SPTBN5: variants seen among roughly 807,000 people sequenced by gnomAD.
SPTBN5 encodes the protein spectrin beta, non-erythrocytic 5, also known as spectrin beta chain, non-erythrocytic 5.
Under a neutral mutation model 477.6 loss-of-function variants are expected in SPTBN5, and 513 were observed. The observed-to-expected ratio is 1.07, with a 90% CI of 1.00 to 1.16. The LOEUF is 1.16. Among genes scored for constraint, SPTBN5 ranks in the 50% most tolerant of loss-of-function variants. The pLI, the probability that SPTBN5 is intolerant of heterozygous loss-of-function variation, is 0.00. For missense variants in SPTBN5, 5,062 were observed against 4,731.8 expected, an observed-to-expected ratio of 1.07 and a Z score of -2.05; for synonymous variants, 2,169 against 2,011.7, an observed-to-expected ratio of 1.08 and a Z score of -2.09.
chr15:41,892,059 A>T (rs138420835), intron 3 of SPTBN5, among the ~76,000 whole-genome samples: 2 of 152,254 alleles, frequency 1.3e-5, no homozygotes, highest in African/African-American at 4.8e-5. Context: ...CTGCTCTTGC[A>T]CCTGCTCAGG....
Position 41,853,579 on chromosome 15 carries a change from T to C in SPTBN5, c.9980+3A>G. 1.9e-6 allele frequency: 3 copies of C among 1,568,546 alleles called. No individual in the cohort carries two copies. Among genetic ancestry groups the C allele is most frequent in the Non-Finnish European group, 2.6e-6 (3 of 1,153,672 alleles). The stretch of plus-strand genomic sequence containing the variant: ...GAGCCGGCAGCTGAGGTAGGACACC[T>C]ACAGCAGTTCCTGGCAGCGCCCGAG... On this transcript the variant is annotated splice_donor_region_variant and intron_variant, in intron 58 of 67. Coordinates refer to ENST00000320955, the MANE Select transcript of SPTBN5 (RefSeq NM_016642.4).
rs1222085347 is a variant in SPTBN5 at position 41,887,868 on chromosome 15, C to A, written c.659+60G>T. 3 of 1,543,492 alleles carry A rather than the reference C, an allele frequency of 1.9e-6. No individual in the cohort carries two copies. In the African/African-American group the frequency reaches 4.1e-5, roughly 21 times the overall value. ...GTGGGAGAACGGGTGGGCTGAGGACCCAAACCCAGGAGCTGTTGGCTCAGT... is the reference window on the plus strand; with the variant it reads ...GTGGGAGAACGGGTGGGCTGAGGACACAAACCCAGGAGCTGTTGGCTCAGT... On this transcript the variant is annotated intron_variant, in intron 5 of 67. Coordinates refer to ENST00000320955, the MANE Select transcript of SPTBN5 (RefSeq NM_016642.4).
chr15:41,873,863 C>T lies in SPTBN5; in HGVS notation c.4872G>A (p.Gln1624=). 6.2e-7 allele frequency: 1 copy of T among 1,611,050 alleles called. No individual in the cohort carries two copies. The part of the protein sequence containing the change: ...ACEARAQCLQ[Q]AVTFQQYFLD... ...ATCCTACCTGCTGGAAAGTGACAGC[C>T]TGCTGCAGACACTGGGCCCGCGCTT... is the stretch of plus-strand genomic sequence containing the variant. The change falls in exon 25 of 68, where the codon CAG becomes CAA. Residue 1624 remains glutamine, a synonymous_variant. Coordinates refer to ENST00000320955, the MANE Select transcript of SPTBN5 (RefSeq NM_016642.4).
intron 22 of SPTBN5, 60 bp from the exon 23 acceptor site, chr15:41,875,116 C>T: frequency 6.7e-7 from 1 of 1,487,006 alleles, no homozygotes; most frequent in Non-Finnish European, 9.1e-7. Flanking sequence ...AAGTGGCCTT[C>T]CCGGGCTCTG....
chr15:41,856,771 G>C, intron 52 of SPTBN5, 82 bp downstream of exon 52: 1 of 1,422,846 alleles, frequency 7.0e-7, no homozygotes, highest in Non-Finnish European at 9.4e-7. Flanking sequence ...AGAGTTCCTG[G>C]CTGGGCCACA....
Position 41,878,630 on chromosome 15 carries a change from C to A in SPTBN5, c.3183-1G>T. Reference sequence around the variant, plus strand: ...CTCTGCGTAGCCTGGCTCCTCGACCCTGGGAGACAGGGTGCGCTGCACAGT... The same window carrying A: ...CTCTGCGTAGCCTGGCTCCTCGACCATGGGAGACAGGGTGCGCTGCACAGT... On this transcript the variant is annotated splice_acceptor_variant, in intron 16 of 67. Coordinates refer to ENST00000320955, the MANE Select transcript of SPTBN5 (RefSeq NM_016642.4). LOFTEE classifies it high-confidence loss of function. 1 of 1,608,842 alleles carries A rather than the reference C, an allele frequency of 6.2e-7. No homozygotes were observed. The highest frequency in any genetic ancestry group is 8.5e-7 in the Non-Finnish European group (1 of 1,177,682).
At chr15:41,865,134 C>T (rs1309259227) in intron 39 of SPTBN5, among the ~76,000 whole-genome samples, 1 of 152,216 alleles carries the variant, frequency 6.6e-6, no homozygotes, top group Non-Finnish European at 1.5e-5. Flanking sequence ...AAGGTTAGCA[C>T]ATTTGGTCTT....
chr15:41,858,930 T>C lies in SPTBN5; in HGVS notation c.8039A>G (p.Glu2680Gly). 3.1e-6 allele frequency: 5 copies of C among 1,595,042 alleles called. No homozygotes were observed. Among genetic ancestry groups the C allele is most frequent in the Non-Finnish European group, 4.3e-6 (5 of 1,168,776 alleles). Residue 2680 changes from glutamate (E) to glycine (G), a missense_variant, in exon 48 of 68, where the codon GAG becomes GGG. By Grantham distance (98) the Glu-to-Gly change is moderately conservative. Coordinates refer to ENST00000320955, the MANE Select transcript of SPTBN5 (RefSeq NM_016642.4). Reference sequence around the variant, plus strand: ...CAGGAAGGCCTGCAGCTGCCGGAGCTCCTCCAGGCGATGGCGGCGGGTCCC... The same window carrying C: ...CAGGAAGGCCTGCAGCTGCCGGAGCCCCTCCAGGCGATGGCGGCGGGTCCC... ...QAGTRRHRLE[E>G]LRQLQAFLQD...
At chr15:41,872,268 T>C (rs1164789614) in intron 27 of SPTBN5, 34 bp downstream of exon 27, 11 of 1,598,950 alleles carry the variant, frequency 6.9e-6, no homozygotes, top group Non-Finnish European at 9.4e-6. Context: ...AGGCCTCCTG[T>C]ACCCACTGAT....
At chr15:41,870,055 C>G in intron 31 of SPTBN5, 35 bp from the exon 32 acceptor site, 2 of 1,459,276 alleles carry the variant, frequency 1.4e-6, no homozygotes, top group Non-Finnish European at 9.1e-7. Context: ...AGGCAAGGGT[C>G]ATGTCCTCCT....
At chr15:41,890,706 C>T (rs1232167124) in intron 3 of SPTBN5, among the ~76,000 whole-genome samples, 2 of 152,240 alleles carry the variant, frequency 1.3e-5, no homozygotes, top group East Asian at 3.8e-4. Context: ...ATCCAGACTC[C>T]CAGGCTCCAC....
chr15:41,885,583 T>A (rs928341789), intron 7 of SPTBN5, among the ~76,000 whole-genome samples, 152 bp downstream of exon 7: 3 of 152,208 alleles, frequency 2.0e-5, no homozygotes, highest in Non-Finnish European at 2.9e-5. Context: ...CTTGCAAGCA[T>A]CACTGGGAGA....
intron 7 of SPTBN5, 136 bp downstream of exon 7, chr15:41,885,599 C>T (rs1595510170): frequency 1.8e-6 from 2 of 1,120,412 alleles, no homozygotes; most frequent in East Asian, 5.3e-5. Flanking sequence ...GGAGATAGAT[C>T]TTTGTAGAGG....
Position 41,860,688 on chromosome 15 carries a change from G to T in SPTBN5, c.7886C>A (p.Ala2629Glu), listed in dbSNP as rs546898925. The change falls in exon 47 of 68, where the codon GCG (alanine) becomes GAG (glutamate). Residue 2629 changes from alanine (A) to glutamate (E), a missense_variant. Physicochemically the swap from Ala to Glu is moderately radical, Grantham distance 107 (BLOSUM62 -1). Transcript: ENST00000320955. ...KMLEWDLEVQ[A>E]GKISALEATA... ...GGCCTCCAGAGCACTGATCTTTCCC[G>T]CCTGCACCTCCAGGTCCCACTCCAG... The T allele has an allele frequency of 6.3e-7, 1 of 1,593,410 alleles. No homozygotes were observed. The highest frequency in any genetic ancestry group is 1.7e-4 in the Middle Eastern group (1 of 6,018).
Position 41,882,431 on chromosome 15 carries a change from G to T in SPTBN5, c.2085C>A (p.Cys695Ter), listed in dbSNP as rs1338020128. The change falls in exon 11 of 68, where the codon TGC (cysteine) becomes TGA (stop). Residue 695 changes from cysteine (C) to a stop codon, truncating the protein, a stop_gained. Coordinates refer to ENST00000320955, the MANE Select transcript of SPTBN5 (RefSeq NM_016642.4). LOFTEE classifies it high-confidence loss of function. ...CGCGTCCCCTCCGCACGAGATCTAC[G>T]CACACGGCCTGGTGGCGGTGGACCT... ...EAEVHRHQAV[C>*]VDLVRRGRDL... 2 of 1,545,812 alleles carry T rather than the reference G, an allele frequency of 1.3e-6. No homozygotes were observed. The highest frequency in any genetic ancestry group is 2.8e-5 in the African/African-American group (2 of 72,510).
In SPTBN5 at chr15:41,853,629, C is replaced by T. The variant is rs185481668; in HGVS notation, c.9933G>A (p.Ala3311=). 8.4e-5 allele frequency: 134 copies of T among 1,593,016 alleles called. No individual in the cohort carries two copies. Among genetic ancestry groups the T allele is most frequent in the African/African-American group, 5.9e-4 (44 of 74,850 alleles). The change falls in exon 58 of 68, where the codon GCG becomes GCA. Residue 3311 remains alanine, a synonymous_variant. Coordinates refer to ENST00000320955, the MANE Select transcript of SPTBN5 (RefSeq NM_016642.4). The stretch of plus-strand genomic sequence containing the variant: ...GGAAGGCATGGCCCTGTGCAGCCTG[C>T]GCCAGCCACTGGCCTCGCTCCTGGG... The part of the protein sequence containing the change: ...AKAQERGQWL[A]QAAQGHAFLG...
intron 12 of SPTBN5, 74 bp downstream of exon 12, chr15:41,881,862 A>G (rs2066964076): frequency 1.5e-5 from 21 of 1,399,374 alleles, no homozygotes; most frequent in Non-Finnish European, 1.9e-5. Context: ...AGGCCCTCCC[A>G]TTTTTGTCCT....
chr15:41,861,347 G>C, intron 46 of SPTBN5, 72 bp downstream of exon 46: 1 of 1,357,520 alleles, frequency 7.4e-7, no homozygotes, highest in Admixed American at 1.7e-5. Flanking sequence ...AGCTCAGGCA[G>C]CACTGGCTGG....
intron 45 of SPTBN5, 100 bp from the exon 46 acceptor site, chr15:41,861,596 G>A (rs1398547491): frequency 2.0e-6 from 3 of 1,530,302 alleles, no homozygotes; most frequent in Admixed American, 1.8e-5. Flanking sequence ...CCAGGGTCCT[G>A]GAAGGCAGGA....
Sources: allele counts gnomAD v4.1 joint callset (sites outside exome capture counted in the v4.1 genomes callset), GRCh38; gene constraint gnomAD v4.1.1; transcripts MANE v1.5; gene names NCBI Gene and HGNC (gene_info 2026-07-23, HGNC 2026-07-21).